Variants in CCDC183 observed in about 807,000 individuals in gnomAD.
The protein encoded by CCDC183 is coiled-coil domain containing 183, also known as coiled-coil domain-containing protein 183.
In CCDC183, 63 loss-of-function variants were observed where a neutral mutation model predicts 65.2. The ratio of observed to expected loss-of-function variants is 0.97; its 90% CI spans 0.79 to 1.19. The LOEUF is 1.19. CCDC183 is among the 50% of genes most tolerant of loss of function. The pLI, the probability that CCDC183 is intolerant of heterozygous loss-of-function variation, is 0.00. For missense variants in CCDC183, 769 were observed against 689.3 expected (o/e 1.12, Z -1.30); for synonymous variants, 323 against 276.5 (o/e 1.17, Z -1.67).
rs28729970 is a variant in CCDC183 at position 136,802,813 on chromosome 9, C to A, written c.666+27C>A. Reference sequence around the variant, plus strand: ...TGAGCTCAGGGCCCAGGGCTGGGGGCCCCCCAGGGCCAGCCCTCTTGGATC... The same window carrying A: ...TGAGCTCAGGGCCCAGGGCTGGGGGACCCCCAGGGCCAGCCCTCTTGGATC... On this transcript the variant is annotated intron_variant, in intron 6 of 13. Coordinates refer to ENST00000338005, the MANE Select transcript of CCDC183 (RefSeq NM_001039374.5). The A allele has an allele frequency of 7.9e-6, 12 of 1,510,748 alleles. No homozygotes were observed. In the South Asian group the frequency reaches 1.2e-4, roughly 15 times the overall value. 93.6% of individuals were successfully genotyped at this position (1,510,748 alleles called of 1,614,324 possible).
rs753352722 is a variant in CCDC183, at chr9:136,799,090, A to G, written c.71-12A>G. The G allele has an allele frequency of 1.9e-6, 3 of 1,612,738 alleles. No individual in the cohort carries two copies. The highest frequency in any genetic ancestry group is 4.5e-5 in the East Asian group (2 of 44,856). On this transcript the variant is annotated splice_polypyrimidine_tract_variant and intron_variant, in intron 1 of 13. Transcript: ENST00000338005. ...CAATCCTAGCCACTGTGTCCCCTCC[A>G]CCTGCCCACAGAGCAGTGTCGGGCA...
At chr9:136,801,343 C>T (rs1434328900) in intron 5 of CCDC183, among the ~76,000 whole-genome samples, 3 of 151,652 alleles carry the variant, frequency 2.0e-5, no homozygotes, top group African/African-American at 7.3e-5. Context: ...CCATGCCCCT[C>T]CTTCGCCTGG....
chr9:136,802,310 G>A (rs908294242), intron 5 of CCDC183, among the ~76,000 whole-genome samples: 1 of 152,276 alleles, frequency 6.6e-6, no homozygotes, highest in African/African-American at 2.4e-5. Flanking sequence ...CTTGAATCCT[G>A]ACTCTCTGAC....
intron 13 of CCDC183, 99 bp downstream of exon 13, chr9:136,807,165 C>T: frequency 1.9e-6 from 2 of 1,072,438 alleles, no homozygotes; most frequent in Non-Finnish European, 2.8e-6. Flanking sequence ...CCTGGAGGGA[C>T]AGCGGGGCTA....
chr9:136,806,060 CT>C lies in CCDC183; in HGVS notation c.949-17del. ...CATCCTGGCCCACACCTGCTTCTCT[CT>C]CCCCCGGACTGGCCAGGACATCACT... is the stretch of plus-strand genomic sequence containing the variant. On this transcript the variant is annotated splice_polypyrimidine_tract_variant and intron_variant, in intron 9 of 13. Transcript: ENST00000338005. 4 of 1,545,102 alleles carry C rather than the reference CT, an allele frequency of 2.6e-6. No homozygotes were observed. Among genetic ancestry groups the C allele is most frequent in the Non-Finnish European group, 3.5e-6 (4 of 1,145,082 alleles).
At chr9:136,806,359 G>A (rs1847849935) in intron 10 of CCDC183, 121 bp downstream of exon 10, 2 of 1,380,724 alleles carry the variant, frequency 1.4e-6, no homozygotes, top group East Asian at 2.4e-5. Context: ...CCCACAGAGG[G>A]GCCAGGGGAC....
In CCDC183 at chr9:136,799,163, G is replaced by A. The variant is rs140082981; in HGVS notation, c.132G>A (p.Thr44=). Residue 44 remains threonine (T), a synonymous_variant, in exon 2 of 14, where the codon ACG becomes ACA. Coordinates refer to ENST00000338005, the MANE Select transcript of CCDC183 (RefSeq NM_001039374.5). Reference sequence around the variant, plus strand: ...AGAATATGGACCAGAACAAGGCCACGCTGGCCCTCCTGCGCAGCAACATCC... The same window carrying A: ...AGAATATGGACCAGAACAAGGCCACACTGGCCCTCCTGCGCAGCAACATCC... ...VKENMDQNKA[T]LALLRSNIRR... The A allele has an allele frequency of 6.5e-4, 1,056 of 1,613,062 alleles. 4 individuals carry two copies. In the African/African-American group the frequency reaches 0.012, roughly 19 times the overall value.
At chr9:136,800,844 C>A in intron 5 of CCDC183, 1 of 222,200 alleles carries the variant, frequency 4.5e-6, no homozygotes, top group South Asian at 5.8e-5. Flanking sequence ...TCCGCTGGGC[C>A]TGTAAGCAGG....
chr9:136,800,026 T>C lies in CCDC183; in HGVS notation c.295T>C (p.Tyr99His), dbSNP rs751571072. 14 of 1,590,428 alleles carry C rather than the reference T, an allele frequency of 8.8e-6. No individual in the cohort carries two copies. The South Asian group carries it at 1.6e-4, about 18-fold the overall frequency. Residue 99 changes from tyrosine (Y) to histidine (H), a missense_variant, in exon 4 of 14, where the codon TAC becomes CAC. Physicochemically the swap from Tyr to His is moderately conservative, Grantham distance 83 (BLOSUM62 2). Transcript: ENST00000338005. ...GGTGGTGCGGGAGAAGCTGCGCAAG[T>C]ACGTCTTCGACCGCGTGAACATGCA... ...MEVVREKLRK[Y>H]VFDRVNMHNL...
intron 5 of CCDC183, 103 bp from the exon 6 acceptor site, chr9:136,802,561 G>C: frequency 3.4e-6 from 5 of 1,466,166 alleles, no homozygotes; most frequent in Non-Finnish European, 4.6e-6. Context: ...GGGCCACAGA[G>C]GAGAACCTAT....
intron 1 of CCDC183, among the ~76,000 whole-genome samples, chr9:136,798,484 A>T (rs1182340551): frequency 1.3e-5 from 2 of 150,998 alleles, no homozygotes; most frequent in Non-Finnish European, 2.9e-5. Flanking sequence ...TTTAGTAGAG[A>T]TGGGGTTTCA....
At chr9:136,801,107 G>C (rs1268263577) in intron 5 of CCDC183, among the ~76,000 whole-genome samples, 1 of 152,220 alleles carries the variant, frequency 6.6e-6, no homozygotes, top group Non-Finnish European at 1.5e-5. Context: ...GCAAAGGGGA[G>C]CTCTGGAGAG....
chr9:136,800,329 C>A, intron 4 of CCDC183, 60 bp from the exon 5 acceptor site: 1 of 1,512,852 alleles, frequency 6.6e-7, no homozygotes, highest in Admixed American at 1.9e-5. Context: ...AAACCCAGCC[C>A]CGACACCCTC....
At chr9:136,806,898 C>G in intron 12 of CCDC183, 31 bp downstream of exon 12, 1 of 1,613,328 alleles carries the variant, frequency 6.2e-7, no homozygotes, top group South Asian at 1.1e-5. Flanking sequence ...ACCTGCACAG[C>G]CCACGTCCCC....
chr9:136,799,175 G>A lies in CCDC183; in HGVS notation c.144G>A (p.Leu48=), dbSNP rs1372543040. 1 of 1,612,294 alleles carries A rather than the reference G, an allele frequency of 6.2e-7. No homozygotes were observed. Among genetic ancestry groups the A allele is most frequent in the East Asian group, 2.2e-5 (1 of 44,874 alleles). Residue 48 remains leucine, a synonymous_variant, in exon 2 of 14, where the codon CTG becomes CTA. Transcript: ENST00000338005. ...MDQNKATLAL[L]RSNIRRGAQD... is the part of the protein sequence containing the mutation. ...AGAACAAGGCCACGCTGGCCCTCCT[G>A]CGCAGCAACATCCGCCGCGGGGCCC...
In CCDC183 at chr9:136,806,182, G is replaced by A; in HGVS notation, c.1053G>A (p.Lys351=). The change falls in exon 10 of 14, where the codon AAG becomes AAA. Residue 351 remains lysine (K), a synonymous_variant. Transcript: ENST00000338005. The part of the protein sequence containing the change: ...EWRVQLKALV[K]QLELEEAVLK... ...GGGTGCAGCTGAAGGCCCTGGTGAA[G>A]CAGCTGGAGCTGGAGGAGGCCGTGC... is the stretch of plus-strand genomic sequence containing the variant. 3.2e-6 allele frequency: 5 copies of A among 1,562,696 alleles called. No individual in the cohort carries two copies. Among genetic ancestry groups the A allele is most frequent in the Non-Finnish European group, 4.3e-6 (5 of 1,153,326 alleles).
intron 13 of CCDC183, 196 bp from the exon 14 acceptor site, chr9:136,807,376 G>C: frequency 4.0e-6 from 3 of 747,092 alleles, no homozygotes; most frequent in Middle Eastern, 7.8e-4. Flanking sequence ...CTTCCACTGG[G>C]GGTTCTGCGG....
In CCDC183 at chr9:136,804,413, G is replaced by A; in HGVS notation, c.667-89G>A. ...ATGCAGTTCCAAAGTCTAGTAAGGT[G>A]AGCATGGCCAACCGCCCGCTGGCTT... On this transcript the variant is annotated intron_variant, in intron 6 of 13. Transcript: ENST00000338005. This position sits in a 1 kb window ranked among gnomAD's most constrained non-coding sequence, Gnocchi z 4.1. 4 of 1,498,266 alleles carry A rather than the reference G, an allele frequency of 2.7e-6. No individual in the cohort carries two copies. Among genetic ancestry groups the A allele is most frequent in the Non-Finnish European group, 3.6e-6 (4 of 1,119,566 alleles). The allele number at this position is 1,498,266 out of a possible 1,614,324, so 92.8% of individuals were successfully genotyped here.
intron 10 of CCDC183, 98 bp downstream of exon 10, chr9:136,806,336 C>A (rs1332860647): frequency 2.8e-6 from 4 of 1,417,542 alleles, no homozygotes; most frequent in African/African-American, 1.4e-5. Context: ...CCACTGCCAA[C>A]AAGCCTGTGT....
Sources: allele counts gnomAD v4.1 joint callset (sites outside exome capture counted in the v4.1 genomes callset), GRCh38; gene constraint gnomAD v4.1.1; non-coding constraint Gnocchi (gnomAD v3.1); transcripts MANE v1.5; gene names NCBI Gene and HGNC (gene_info 2026-07-23, HGNC 2026-07-21).